The following MYO16 variants were observed in gnomAD, a reference collection of about 807,000 sequenced individuals.
MYO16 encodes the protein unconventional myosin-XVI.
Under a neutral mutation model 205.3 loss-of-function variants are expected in MYO16, and 94 were observed. The ratio of observed to expected loss-of-function variants is 0.46; its 90% confidence interval spans 0.39 to 0.54. The LOEUF (loss-of-function observed/expected upper bound fraction) is 0.54, where lower values mean the gene tolerates loss of function less well. Among genes scored for constraint, MYO16 ranks in the 20% least tolerant of loss-of-function variants. The probability of loss-of-function intolerance (pLI) is 0.00; values close to 1 mark genes in which losing one functional copy is unlikely to be tolerated. For missense variants in MYO16, 2,315 were observed against 2,387.5 expected (o/e 0.97, Z 0.63); for synonymous variants, 988 against 954.0 (o/e 1.04, Z -0.66).
intron 28 of MYO16, among the ~76,000 whole-genome samples, chr13:109,119,686 A>G (rs974797557): frequency 6.6e-6 from 1 of 152,240 alleles, no homozygotes; most frequent in South Asian, 2.1e-4. Flanking sequence ...TTCTCATGCC[A>G]CTAGAGCTTG....
At position 108,884,428 on chromosome 13, in the gene MYO16, A is replaced by C. The variant is rs77360717; in HGVS notation, c.1553+1242A>C. 4.0e-3 allele frequency among the ~76,000 whole-genome samples: 616 copies of C among 152,306 alleles called. 3 individuals carry two copies. Among genetic ancestry groups the C allele is most frequent in the Non-Finnish European group, 7.6e-3 (516 of 68,018 alleles). The stretch of plus-strand genomic sequence containing the variant: ...CACATTCTAAACTCTAGGATAAGAA[A>C]GGCACTGAGGCATGGGATTCCACCC... On this transcript the variant is annotated intron_variant, in intron 13 of 34. Transcript: ENST00000457511.
At chr13:108,526,243 A>C in the MYO16 span, among the ~76,000 whole-genome samples, 10 of 152,208 alleles carry the variant, frequency 6.6e-5, no homozygotes, top group Non-Finnish European at 1.3e-4. Flanking sequence ...AAAATCAATT[A>C]TAAAACTTAT....
At chr13:108,744,277 GTTTA>G (rs1463848159) in intron 4 of MYO16, among the ~76,000 whole-genome samples, 2 of 151,820 alleles carry the variant, frequency 1.3e-5, no homozygotes, top group Non-Finnish European at 2.9e-5. Flanking sequence ...TTAAAGAGGT[GTTTA>G]TTATCCTTTT....
chr13:109,204,886 A>G lies in MYO16; in HGVS notation c.5416-1723A>G, dbSNP rs76717398. Among the ~76,000 whole-genome samples the G allele has an allele frequency of 3.1e-3, 470 of 152,258 alleles. 3 individuals are homozygous for G. The highest frequency in any genetic ancestry group is 0.011 in the African/African-American group (447 of 41,548). On this transcript the variant is annotated intron_variant, in intron 34 of 34. Transcript: ENST00000457511. ...GAAGGTGCTTACGAAAGCACCTAGC[A>G]CACGTGTAGCCAAAGTGTTCACTAA...
At chr13:108,923,821 C>A (rs922718153) in intron 16 of MYO16, among the ~76,000 whole-genome samples, 1 of 152,186 alleles carries the variant, frequency 6.6e-6, no homozygotes, top group African/African-American at 2.4e-5. Context: ...TAAACCTCAT[C>A]AACAAGCATA....
chr13:108,623,976 G>C (rs889153555), intron 1 of MYO16, among the ~76,000 whole-genome samples: 1 of 152,086 alleles, frequency 6.6e-6, no homozygotes, highest in Non-Finnish European at 1.5e-5. Flanking sequence ...AGATTAAATG[G>C]GCTTGAAGTA....
intron 34 of MYO16, among the ~76,000 whole-genome samples, chr13:109,188,904 G>T (rs1879796921): frequency 6.6e-6 from 1 of 152,054 alleles, no homozygotes; most frequent in Admixed American, 6.5e-5. Context: ...GACCACCCTG[G>T]CCAACCTGGA....
intron 1 of MYO16, among the ~76,000 whole-genome samples, chr13:108,624,296 A>G (rs537412166): frequency 2.0e-5 from 3 of 152,346 alleles, no homozygotes; most frequent in Admixed American, 1.3e-4. Context: ...AGTAATCGCT[A>G]AACTTGCTTC....
intron 27 of MYO16, among the ~76,000 whole-genome samples, chr13:109,070,497 A>G (rs1042522554): frequency 3.9e-5 from 6 of 152,214 alleles, no homozygotes; most frequent in African/African-American, 1.4e-4. Context: ...AGACCTAAAC[A>G]GTTGTTATTA....
Position 108,617,845 on chromosome 13 carries a change from T to C in MYO16, c.-39+21606T>C, listed in dbSNP as rs182473361. ...ATTCTATTGATGTTTCCTAGATATA[T>C]CATACCCAGATAATCGATTGTCTTT... On this transcript the variant is annotated intron_variant, in intron 1 of 24. Transcript: ENST00000251041. Among the ~76,000 whole-genome samples the C allele has an allele frequency of 2.1e-3, 318 of 152,210 alleles. 5 individuals carry two copies. Among genetic ancestry groups the C allele is most frequent in the South Asian group, 3.5e-3 (17 of 4,816 alleles).
intron 1 of MYO16, among the ~76,000 whole-genome samples, chr13:108,637,700 C>A (rs1880321171): frequency 6.6e-6 from 1 of 152,002 alleles, no homozygotes; most frequent in African/African-American, 2.4e-5. Flanking sequence ...CATGGCAAAA[C>A]CCCATCTCTA....
intron 24 of MYO16, chr13:109,049,010 C>T (rs1887148236): frequency 6.9e-6 from 1 of 144,690 alleles, no homozygotes; most frequent in Non-Finnish European, 1.5e-5. Context: ...TAATTCTGCT[C>T]ACAGGAATAG....
intron 15 of MYO16, among the ~76,000 whole-genome samples, chr13:108,899,948 G>C (rs9559440): frequency 6.6e-6 from 1 of 152,046 alleles, no homozygotes; most frequent in Non-Finnish European, 1.5e-5. Context: ...TTCATGGGAC[G>C]TGAGTGTCTG....
chr13:109,096,357 G>C (rs1888775375), intron 27 of MYO16, among the ~76,000 whole-genome samples: 1 of 152,044 alleles, frequency 6.6e-6, no homozygotes, highest in South Asian at 2.1e-4. Context: ...TTCTTTTCAG[G>C]ACATGAGTCA....
chr13:109,017,804 T>A (rs1008492807), intron 22 of MYO16, among the ~76,000 whole-genome samples: 3 of 152,326 alleles, frequency 2.0e-5, no homozygotes, highest in Admixed American at 6.5e-5. Flanking sequence ...GCCATGGTTT[T>A]CAGCTCCATC....
rs371800285 is a variant in MYO16, at chr13:109,172,234, T to C, written c.5323+7175T>C. Among the ~76,000 whole-genome samples, 8 of 152,314 alleles carry C rather than the reference T, an allele frequency of 5.3e-5. No homozygotes were observed. In the East Asian group the frequency reaches 1.5e-3, roughly 29 times the overall value. On this transcript the variant is annotated intron_variant, in intron 33 of 34. Coordinates refer to ENST00000457511, the MANE Select transcript of MYO16 (RefSeq NM_001198950.3). ...ACACCTTCTTTGGAACGCATACCCTTGTCTGACTGAAAGCCTAACAGCCAG... is the reference window on the plus strand; with the variant it reads ...ACACCTTCTTTGGAACGCATACCCTCGTCTGACTGAAAGCCTAACAGCCAG...
At chr13:108,846,066 C>T (rs1044808627) in intron 10 of MYO16, among the ~76,000 whole-genome samples, 1 of 152,114 alleles carries the variant, frequency 6.6e-6, no homozygotes, top group Non-Finnish European at 1.5e-5. Flanking sequence ...CCAAGTGTTT[C>T]TGAGCCATAT....
chr13:109,043,709 A>G (rs915298992), intron 23 of MYO16, among the ~76,000 whole-genome samples: 6 of 152,146 alleles, frequency 3.9e-5, no homozygotes, highest in African/African-American at 1.4e-4. Flanking sequence ...AATGAGGGGA[A>G]AGCTGCAGCC....
intron 4 of MYO16, among the ~76,000 whole-genome samples, chr13:108,742,196 G>A (rs1021708521): frequency 1.3e-5 from 2 of 152,012 alleles, no homozygotes; most frequent in Non-Finnish European, 2.9e-5. Flanking sequence ...TTTTCACCAT[G>A]TTGGCCAGGC....
Sources: gnomAD v4.1 joint callset for allele counts (sites outside exome capture counted in the v4.1 genomes callset) on GRCh38, gnomAD v4.1.1 for gene constraint, MANE v1.5 for transcripts, NCBI Gene and HGNC (gene_info 2026-07-23, HGNC 2026-07-21) for gene names.